ST6GALNAC5: variants seen among roughly 807,000 people sequenced by gnomAD.
ST6GALNAC5 encodes ST6 N-acetylgalactosaminide alpha-2,6-sialyltransferase 5, also known as alpha-N-acetylgalactosaminide alpha-2,6-sialyltransferase 5.
Under a neutral mutation model 33.6 loss-of-function variants are expected in ST6GALNAC5, and 27 were observed. The observed-to-expected ratio is 0.80, with a 90% confidence interval of 0.59 to 1.11. The LOEUF (loss-of-function observed/expected upper bound fraction) is 1.11. Among genes scored for constraint, ST6GALNAC5 ranks in the 50% least tolerant of loss-of-function variants. The pLI, the probability that ST6GALNAC5 is intolerant of heterozygous loss-of-function variation, is 0.00. For missense variants in ST6GALNAC5, 428 were observed against 454.0 expected (o/e 0.94, Z 0.52); for synonymous variants, 194 against 171.2 (o/e 1.13, Z -1.04).
intron 2 of ST6GALNAC5, among the ~76,000 whole-genome samples, chr1:77,027,709 C>T (rs1276161524): frequency 6.6e-6 from 1 of 152,192 alleles, no homozygotes; most frequent in Non-Finnish European, 1.5e-5. Context: ...GCATGGAAGA[C>T]AGAGTGGCAG....
At chr1:76,872,894 C>G (rs1219394505) in intron 2 of ST6GALNAC5, among the ~76,000 whole-genome samples, 1 of 152,140 alleles carries the variant, frequency 6.6e-6, no homozygotes, top group Non-Finnish European at 1.5e-5. Flanking sequence ...AAAAAGAACA[C>G]TATTTTGTGG....
At chr1:76,939,828 T>C (rs1647287173) in intron 2 of ST6GALNAC5, among the ~76,000 whole-genome samples, 1 of 152,136 alleles carries the variant, frequency 6.6e-6, no homozygotes, top group Non-Finnish European at 1.5e-5. Flanking sequence ...TTATGGAACT[T>C]ATAGTCCAGC....
intron 2 of ST6GALNAC5, among the ~76,000 whole-genome samples, chr1:77,023,866 T>A (rs182989219): frequency 2.0e-5 from 3 of 152,250 alleles, no homozygotes; most frequent in Admixed American, 1.3e-4. Context: ...GGGGTAGTCA[T>A]TGGGGTGCCA....
chr1:76,877,058 G>A (rs1339857760), intron 2 of ST6GALNAC5, among the ~76,000 whole-genome samples: 2 of 152,166 alleles, frequency 1.3e-5, no homozygotes, highest in African/African-American at 2.4e-5. Flanking sequence ...TTGGCTGGAT[G>A]GGCCAGAAAA....
intron 2 of ST6GALNAC5, among the ~76,000 whole-genome samples, chr1:76,899,497 C>A (rs1352261819): frequency 6.6e-6 from 1 of 152,064 alleles, no homozygotes; most frequent in Non-Finnish European, 1.5e-5. Flanking sequence ...GGGGTTCCTG[C>A]CCCTCCCCCA....
Position 76,999,594 on chromosome 1 carries a change from C to T in ST6GALNAC5, c.262-44610C>T, listed in dbSNP as rs867547500. Among the ~76,000 whole-genome samples the T allele has an allele frequency of 3.1e-4, 47 of 151,330 alleles. 1 individual carries two copies. Among genetic ancestry groups the T allele is most frequent in the African/African-American group, 1.0e-3 (42 of 41,322 alleles). ...CATGCTGGTGCGCTGCACCCACTAA[C>T]TCATCATCTAGCATTAGGTATATCT... On this transcript the variant is annotated intron_variant, in intron 2 of 4. Coordinates refer to ENST00000477717, the MANE Select transcript of ST6GALNAC5 (RefSeq NM_030965.3).
chr1:76,988,284 AC>A (rs1433515797), intron 2 of ST6GALNAC5, among the ~76,000 whole-genome samples: 2 of 151,918 alleles, frequency 1.3e-5, no homozygotes, highest in African/African-American at 2.4e-5. Flanking sequence ...ATCCTGTATC[AC>A]GTTTTTGATT....
At chr1:76,911,658 T>A (rs1646914004) in intron 2 of ST6GALNAC5, among the ~76,000 whole-genome samples, 1 of 152,188 alleles carries the variant, frequency 6.6e-6, no homozygotes. Flanking sequence ...AACTTCTTCC[T>A]GGTTTAGTCT....
At chr1:77,024,183 G>C (rs189758286) in intron 2 of ST6GALNAC5, among the ~76,000 whole-genome samples, 9 of 152,136 alleles carry the variant, frequency 5.9e-5, no homozygotes, top group Non-Finnish European at 1.0e-4. Context: ...GAATGTTCTC[G>C]TAAGACCTTG....
At chr1:77,052,570 A>G (rs1230567494) in intron 4 of ST6GALNAC5, among the ~76,000 whole-genome samples, 3 of 151,934 alleles carry the variant, frequency 2.0e-5, no homozygotes, top group Non-Finnish European at 4.4e-5. Context: ...TAAGATATGT[A>G]AAATAATTTA....
intron 2 of ST6GALNAC5, among the ~76,000 whole-genome samples, chr1:76,875,176 G>T (rs762357750): frequency 2.0e-5 from 3 of 152,282 alleles, no homozygotes; most frequent in African/African-American, 2.4e-5. Flanking sequence ...AGCTAGTAAT[G>T]ATTACTACCT....
chr1:77,005,215 C>T (rs1051931082), intron 2 of ST6GALNAC5, among the ~76,000 whole-genome samples: 1 of 152,332 alleles, frequency 6.6e-6, no homozygotes, highest in South Asian at 2.1e-4. Context: ...TTAAGCTGGT[C>T]CGAAAAGCGC....
At chr1:76,954,016 G>C (rs1647852664) in intron 2 of ST6GALNAC5, among the ~76,000 whole-genome samples, 1 of 152,008 alleles carries the variant, frequency 6.6e-6, no homozygotes, top group South Asian at 2.1e-4. Flanking sequence ...ATCAGTTCTG[G>C]GAGCCAGCAC....
intron 2 of ST6GALNAC5, among the ~76,000 whole-genome samples, chr1:76,974,207 C>CT (rs766393000): frequency 0.019 from 2,330 of 120,270 alleles, 41 homozygotes; most frequent in African/African-American, 0.052. Flanking sequence ...TTGCTTTTCA[C>CT]TTTTTTTTTT....
At chr1:77,001,214 T>C (rs527615012) in intron 2 of ST6GALNAC5, among the ~76,000 whole-genome samples, 125 of 118,362 alleles carry the variant, frequency 1.1e-3, no homozygotes, top group African/African-American at 3.6e-3. Flanking sequence ...TCACATCCCT[T>C]GTAAGTTGGA....
Position 76,966,671 on chromosome 1 carries a change from G to C in ST6GALNAC5, c.262-77533G>C, listed in dbSNP as rs553893059. Among the ~76,000 whole-genome samples, 54 of 152,298 alleles carry C rather than the reference G, an allele frequency of 3.5e-4. 1 individual carries two copies. Among genetic ancestry groups the C allele is most frequent in the Middle Eastern group, 3.4e-3 (1 of 294 alleles). On this transcript the variant is annotated intron_variant, in intron 2 of 4. Transcript: ENST00000477717. ...TGGTGAGAGAGGGCATCCCTGTCTT[G>C]TGCCAGTTTTCAAAGGGAATGCTTC...
chr1:77,009,089 C>G (rs1297369255), intron 2 of ST6GALNAC5, among the ~76,000 whole-genome samples: 1 of 152,170 alleles, frequency 6.6e-6, no homozygotes, highest in Non-Finnish European at 1.5e-5. Context: ...TAGAAGCAGC[C>G]CATCCACCAC....
intron 2 of ST6GALNAC5, among the ~76,000 whole-genome samples, chr1:76,974,502 T>A (rs555906222): frequency 1.2e-4 from 18 of 151,884 alleles, no homozygotes; most frequent in Non-Finnish European, 2.4e-4. Flanking sequence ...GTGCCAGGCT[T>A]CTTTTGTATT....
chr1:77,010,747 A>C (rs558037209), intron 2 of ST6GALNAC5, among the ~76,000 whole-genome samples: 29 of 152,248 alleles, frequency 1.9e-4, no homozygotes, highest in African/African-American at 6.7e-4. Flanking sequence ...GACTAAACAC[A>C]CTGCACCACT....
Sources: allele counts gnomAD v4.1 joint callset (sites outside exome capture counted in the v4.1 genomes callset), GRCh38; gene constraint gnomAD v4.1.1; transcripts MANE v1.5; gene names NCBI Gene and HGNC (gene_info 2026-07-23, HGNC 2026-07-21).